MTMR7: variants seen among roughly 807,000 people sequenced by gnomAD.
MTMR7 encodes the protein phosphatidylinositol-3-phosphate phosphatase MTMR7.
A neutral mutation model predicts 81.2 loss-of-function variants in MTMR7; 76 were observed. The observed-to-expected ratio is 0.94, with a 90% CI of 0.78 to 1.13. The LOEUF (loss-of-function observed/expected upper bound fraction) is 1.13. MTMR7 is among the 50% of genes most tolerant of loss of function. MTMR7 has a pLI of 0.00. For missense variants in MTMR7, 1,044 were observed against 820.0 expected, an observed-to-expected ratio of 1.27 and a Z score of -3.34; for synonymous variants, 372 against 289.8, an observed-to-expected ratio of 1.28 and a Z score of -2.88.
intron 1 of MTMR7, among the ~76,000 whole-genome samples, chr8:17,378,187 G>T (rs943719000): frequency 2.4e-4 from 37 of 152,012 alleles, no homozygotes; most frequent in Non-Finnish European, 7.4e-5. Context: ...GTTCCTACAG[G>T]TCCCAGAGCT....
rs368962286 is a variant in MTMR7 at position 17,380,559 on chromosome 8, C to T, written c.25-7319G>A. ...CCACACACGTAAAATACACTAACAA[C>T]AGCTGATGAGCTTAAAAAAAAAAAA... On this transcript the variant is annotated intron_variant, in intron 1 of 13. Transcript: ENST00000180173. Among the ~76,000 whole-genome samples, 53 of 118,096 alleles carry T rather than the reference C, an allele frequency of 4.5e-4. No homozygotes were observed. In the South Asian group the frequency reaches 0.017, roughly 37 times the overall value. 77.5% of individuals were successfully genotyped at this position (118,096 alleles called of 152,430 possible). A position where few individuals can be genotyped will look rare whatever the true frequency, so the allele number is the denominator to read the frequency against.
chr8:17,392,162 A>G (rs552769812), intron 1 of MTMR7, among the ~76,000 whole-genome samples: 28 of 152,282 alleles, frequency 1.8e-4, no homozygotes, highest in Middle Eastern at 3.4e-3. Flanking sequence ...GAATGGGAAA[A>G]AAAGCAATAA....
intron 1 of MTMR7, among the ~76,000 whole-genome samples, chr8:17,385,681 T>C (rs1820914989): frequency 6.6e-6 from 1 of 152,176 alleles, no homozygotes; most frequent in Admixed American, 6.5e-5. Context: ...GGTGAGTTCA[T>C]TCTCAGGAGA....
At chr8:17,306,565 T>C (rs11779713) in intron 10 of MTMR7, among the ~76,000 whole-genome samples, 39,325 of 152,054 alleles carry the variant, frequency 0.26, 5,406 homozygotes, top group East Asian at 0.33. Context: ...CAAATTTGTA[T>C]TGATTTTAAA....
chr8:17,372,849 TTGACAGCTG>T (rs1820461686), intron 2 of MTMR7: 2 of 336,870 alleles, frequency 5.9e-6, no homozygotes, highest in Non-Finnish European at 1.1e-5. Context: ...GAATCTCTCC[TTGACAGCTG>T]TGACAGGAAG....
intron 9 of MTMR7, 150 bp from the exon 10 acceptor site, chr8:17,309,476 T>G: frequency 1.5e-6 from 1 of 654,458 alleles, no homozygotes; most frequent in Non-Finnish European, 2.8e-6. Context: ...TATCCACCCA[T>G]ATAGAGATGC....
chr8:17,311,814 G>GGTA, intron 8 of MTMR7, 178 bp from the exon 9 acceptor site: 2 of 905,998 alleles, frequency 2.2e-6, no homozygotes, highest in South Asian at 3.3e-5. Context: ...GCCTGGTGCT[G>GGTA]GCAGCTAAAG....
intron 6 of MTMR7, among the ~76,000 whole-genome samples, chr8:17,331,638 T>C (rs537398640): frequency 6.6e-6 from 1 of 152,218 alleles, no homozygotes; most frequent in African/African-American, 2.4e-5. Context: ...ACATAACCGG[T>C]AGGTTGGCAG....
chr8:17,395,683 T>G (rs1821225313), intron 1 of MTMR7, among the ~76,000 whole-genome samples: 1 of 152,236 alleles, frequency 6.6e-6, no homozygotes, highest in Non-Finnish European at 1.5e-5. Context: ...CTGGTGATGT[T>G]GGCTATCTTT....
At chr8:17,336,058 G>A (rs1442060553) in intron 6 of MTMR7, among the ~76,000 whole-genome samples, 2 of 152,106 alleles carry the variant, frequency 1.3e-5, no homozygotes, top group South Asian at 2.1e-4. Flanking sequence ...TCTCTTCATC[G>A]GTTGACATGA....
At chr8:17,405,099 G>T (rs906737214) in intron 1 of MTMR7, among the ~76,000 whole-genome samples, 10 of 152,222 alleles carry the variant, frequency 6.6e-5, no homozygotes, top group African/African-American at 1.9e-4. Context: ...CGATCCGTCC[G>T]CCTTGGCCTC....
intron 9 of MTMR7, 143 bp from the exon 10 acceptor site, chr8:17,309,469 C>A: frequency 1.5e-6 from 1 of 673,072 alleles, no homozygotes; most frequent in Non-Finnish European, 2.7e-6. Flanking sequence ...CAGGCATTAT[C>A]CACCCATATA....
chr8:17,301,040 T>G (rs1186628157), intron 13 of MTMR7, among the ~76,000 whole-genome samples: 1 of 152,258 alleles, frequency 6.6e-6, no homozygotes, highest in Non-Finnish European at 1.5e-5. Flanking sequence ...ACACCTGGGT[T>G]GTTCAGAATA....
chr8:17,304,019 G>A (rs1321102148), intron 12 of MTMR7, among the ~76,000 whole-genome samples: 1 of 152,130 alleles, frequency 6.6e-6, no homozygotes, highest in Non-Finnish European at 1.5e-5. Flanking sequence ...AATTATTTTT[G>A]CTCCAACCTT....
At chr8:17,383,597 G>A (rs1820830532) in intron 1 of MTMR7, among the ~76,000 whole-genome samples, 1 of 152,202 alleles carries the variant, frequency 6.6e-6, no homozygotes, top group Admixed American at 6.5e-5. Flanking sequence ...AAAACATCCT[G>A]GCTCAACAGT....
chr8:17,355,521 A>AT (rs1005450430), intron 4 of MTMR7, among the ~76,000 whole-genome samples: 3 of 152,100 alleles, frequency 2.0e-5, no homozygotes, highest in Admixed American at 2.0e-4. Context: ...TGTGGGATTT[A>AT]TACAGCGTCA....
intron 1 of MTMR7, among the ~76,000 whole-genome samples, chr8:17,409,337 G>C (rs1414806964): frequency 1.3e-5 from 2 of 152,062 alleles, no homozygotes; most frequent in East Asian, 1.9e-4. Context: ...GCACGTGCTT[G>C]TAGCCCCAGC....
At chr8:17,386,634 G>T (rs1410335911) in intron 1 of MTMR7, among the ~76,000 whole-genome samples, 1 of 124,858 alleles carries the variant, frequency 8.0e-6, no homozygotes, top group African/African-American at 2.7e-5. Context: ...CTCTCAGCAG[G>T]CTCTGCTCAT....
At chr8:17,314,091 T>C (rs990148803) in intron 7 of MTMR7, among the ~76,000 whole-genome samples, 1 of 152,130 alleles carries the variant, frequency 6.6e-6, no homozygotes, top group African/African-American at 2.4e-5. Context: ...ACCTCTATAA[T>C]ATTATAAACC....
Sources: gnomAD v4.1 joint callset for allele counts (sites outside exome capture counted in the v4.1 genomes callset) on GRCh38, gnomAD v4.1.1 for gene constraint, MANE v1.5 for transcripts, NCBI Gene and HGNC (gene_info 2026-07-23, HGNC 2026-07-21) for gene names.